The following NRG1 variants were observed in gnomAD, a reference collection of about 807,000 sequenced individuals.
NRG1 encodes neuregulin 1.
A neutral mutation model predicts 63.8 loss-of-function variants in NRG1; 18 were observed. The ratio of observed to expected loss-of-function variants is 0.28; its 90% CI spans 0.19 to 0.42. The LOEUF (loss-of-function observed/expected upper bound fraction) is 0.42. NRG1 is among the 10% of genes least tolerant of loss of function. The pLI is 1.00. For synonymous variants in NRG1, 302 were observed against 301.3 expected (o/e 1.00, Z -0.02); for missense variants, 762 against 814.7 (o/e 0.94, Z 0.79).
intron 1 of NRG1, among the ~76,000 whole-genome samples, chr8:32,043,313 A>G (rs1452890020): frequency 6.6e-6 from 1 of 152,086 alleles, no homozygotes; most frequent in Non-Finnish European, 1.5e-5. Context: ...GAGGAAAAGA[A>G]CTGTCAAGTA....
chr8:32,737,447 A>G (rs1297877958), intron 6 of NRG1, among the ~76,000 whole-genome samples: 1 of 152,022 alleles, frequency 6.6e-6, no homozygotes, highest in African/African-American at 2.4e-5. Flanking sequence ...GCTACTTGGG[A>G]GACTGAGGCA....
intron 1 of NRG1, among the ~76,000 whole-genome samples, chr8:32,296,608 C>T (rs992525502): frequency 1.4e-4 from 17 of 122,406 alleles, no homozygotes; most frequent in Non-Finnish European, 2.5e-4. Flanking sequence ...AAGAGTGAAA[C>T]TTTGTCCCAA....
At chr8:32,312,770 C>A (rs888607895) in intron 1 of NRG1, among the ~76,000 whole-genome samples, 1 of 136,622 alleles carries the variant, frequency 7.3e-6, no homozygotes, top group East Asian at 2.7e-4. Flanking sequence ...ACTTCCCTCC[C>A]TCCCTCTCTC....
intron 1 of NRG1, among the ~76,000 whole-genome samples, chr8:31,958,044 C>CAGAAAGAT (rs1804740950): frequency 6.9e-6 from 1 of 145,840 alleles, no homozygotes; most frequent in South Asian, 2.3e-4. Context: ...CAGTAGAGAC[C>CAGAAAGAT]AGATAGATAG....
intron 1 of NRG1, among the ~76,000 whole-genome samples, chr8:32,554,140 GA>G (rs1322084493): frequency 6.6e-6 from 1 of 151,814 alleles, no homozygotes; most frequent in Non-Finnish European, 1.5e-5. Flanking sequence ...TTGACAAATA[GA>G]AAAAACAAAA....
At chr8:32,653,957 C>CGTGTGTGTGT (rs34252278) in intron 5 of NRG1, among the ~76,000 whole-genome samples, 1 of 148,692 alleles carries the variant, frequency 6.7e-6, no homozygotes, top group Admixed American at 6.7e-5. Flanking sequence ...CGTGTGTATG[C>CGTGTGTGTGT]GTGTGTGTGT....
At chr8:32,719,353 G>A (rs1446160963) in intron 5 of NRG1, among the ~76,000 whole-genome samples, 1 of 151,842 alleles carries the variant, frequency 6.6e-6, no homozygotes, top group African/African-American at 2.4e-5. Flanking sequence ...TCTCCATGTA[G>A]CCATCACCCA....
chr8:32,218,620 G>A (rs904444877), intron 1 of NRG1, among the ~76,000 whole-genome samples: 1 of 152,236 alleles, frequency 6.6e-6, no homozygotes, highest in Non-Finnish European at 1.5e-5. Flanking sequence ...GGTCTCCAGA[G>A]AAGCAGCGGC....
At chr8:32,758,913 A>G (rs1202997204) in intron 9 of NRG1, among the ~76,000 whole-genome samples, 1 of 152,198 alleles carries the variant, frequency 6.6e-6, no homozygotes, top group Non-Finnish European at 1.5e-5. Context: ...TCTATTTCAA[A>G]TAGCATTTAG....
At position 32,297,570 on chromosome 8, in the gene NRG1, C is replaced by A. The variant is rs912492616; in HGVS notation, c.38-298258C>A. ...TTGGACCCTTTCCAGGGTCTCCAAG[C>A]ATGAAGGACCCATCTCTCAGGAAGA... On this transcript the variant is annotated intron_variant, in intron 1 of 10. Transcript: ENST00000519301. Among the ~76,000 whole-genome samples the A allele has an allele frequency of 5.3e-5, 8 of 152,164 alleles. No individual in the cohort carries two copies. The East Asian group carries it at 1.5e-3, about 29-fold the overall frequency.
intron 7 of NRG1, chr8:32,743,286 A>G (rs79916768): frequency 0.025 from 23,333 of 918,786 alleles, 365 homozygotes; most frequent in Non-Finnish European, 0.027. Context: ...TTAAAAAAGC[A>G]TCAAGTAGGA....
intron 1 of NRG1, among the ~76,000 whole-genome samples, chr8:32,188,998 G>C (rs749625512): frequency 5.0e-4 from 76 of 152,040 alleles, no homozygotes; most frequent in Non-Finnish European, 2.1e-4. Flanking sequence ...AAGTGAATTA[G>C]AGGTCCCTAG....
chr8:31,817,182 T>C (rs990909988), intron 1 of NRG1, among the ~76,000 whole-genome samples: 2 of 152,204 alleles, frequency 1.3e-5, no homozygotes, highest in African/African-American at 4.8e-5. Context: ...ACAATGAAAC[T>C]GTGTAGGAGG....
chr8:32,360,362 A>G (rs1807047985), intron 1 of NRG1, among the ~76,000 whole-genome samples: 1 of 152,234 alleles, frequency 6.6e-6, no homozygotes, highest in Non-Finnish European at 1.5e-5. Flanking sequence ...AAAATTTAAT[A>G]AGCTATGCTA....
At position 31,919,008 on chromosome 8, in the gene NRG1, A is replaced by C. The variant is rs541047659; in HGVS notation, c.37+279577A>C. On this transcript the variant is annotated intron_variant, in intron 1 of 10. Transcript: ENST00000519301. ...TTTGCATAGAGGTGTTTGTAGTATT[A>C]TCTGATGGTAGTTTGTATTTCTGTG... Among the ~76,000 whole-genome samples, 668 of 152,052 alleles carry C rather than the reference A, an allele frequency of 4.4e-3. 5 individuals carry two copies. The highest frequency in any genetic ancestry group is 0.015 in the African/African-American group (633 of 41,502).
At position 31,759,442 on chromosome 8, in the gene NRG1, C is replaced by T. The variant is rs369454014; in HGVS notation, c.37+120011C>T. Among the ~76,000 whole-genome samples, 194 of 151,968 alleles carry T rather than the reference C, an allele frequency of 1.3e-3. 2 individuals carry two copies. The highest frequency in any genetic ancestry group is 4.3e-3 in the African/African-American group (180 of 41,490). ...ATAGTATAAGGTCAAGATTAATTTCCTTTTCATATACATATCCACTTATTC... is the reference window on the plus strand; with the variant it reads ...ATAGTATAAGGTCAAGATTAATTTCTTTTTCATATACATATCCACTTATTC... On this transcript the variant is annotated intron_variant, in intron 1 of 10. Transcript: ENST00000519301.
At chr8:32,409,458 A>C (rs1349736994) in intron 1 of NRG1, among the ~76,000 whole-genome samples, 1 of 152,166 alleles carries the variant, frequency 6.6e-6, no homozygotes, top group East Asian at 1.9e-4. Flanking sequence ...ATAATCAACA[A>C]AGTTAACACT....
intron 5 of NRG1, among the ~76,000 whole-genome samples, chr8:32,666,197 G>A (rs73592616): frequency 0.01 from 1,542 of 152,236 alleles, 23 homozygotes; most frequent in African/African-American, 0.035. Context: ...TCTTCTTTAA[G>A]TATAGTGAAT....
intron 5 of NRG1, among the ~76,000 whole-genome samples, chr8:32,725,143 G>T (rs1011404553): frequency 2.0e-5 from 3 of 152,078 alleles, no homozygotes; most frequent in Admixed American, 2.0e-4. Flanking sequence ...TACATTTGGG[G>T]GGGAGTTGGA....
Sources: allele counts gnomAD v4.1 joint callset (sites outside exome capture counted in the v4.1 genomes callset), GRCh38; gene constraint gnomAD v4.1.1; transcripts MANE v1.5; gene names NCBI Gene and HGNC (gene_info 2026-07-23, HGNC 2026-07-21).